The following SETD7 variants were observed in gnomAD, a reference collection of about 807,000 sequenced individuals.
The protein encoded by SETD7 is histone-lysine N-methyltransferase SETD7.
SETD7 carries 16 observed loss-of-function variants against 41.8 expected under a neutral mutation model. That is an observed-to-expected ratio of 0.38 (90% confidence interval 0.26 to 0.58). The LOEUF (loss-of-function observed/expected upper bound fraction) is 0.58. SETD7 is among the 20% of genes least tolerant of loss of function. The pLI, the probability that SETD7 is intolerant of heterozygous loss-of-function variation, is 0.64. For synonymous variants in SETD7, 163 were observed against 169.7 expected (o/e 0.96, Z 0.31); for missense variants, 346 against 459.7 (o/e 0.75, Z 2.26).
Position 139,529,240 on chromosome 4 carries a change from AC to A in SETD7, c.373-21del. On this transcript the variant is annotated intron_variant, in intron 3 of 7. Transcript: ENST00000274031. ...TCCATCCTGATGGGAGAAACCAAAA[AC>A]CAGAAAATATTATATATAGTATGTC... is the stretch of plus-strand genomic sequence containing the variant. The A allele has an allele frequency of 6.3e-7, 1 of 1,588,262 alleles. No individual in the cohort carries two copies. Among genetic ancestry groups the A allele is most frequent in the South Asian group, 1.1e-5 (1 of 88,012 alleles).
intron 2 of SETD7, among the ~76,000 whole-genome samples, chr4:139,539,149 C>T (rs2725790): frequency 0.8 from 121,380 of 152,012 alleles, 48,558 homozygotes; most frequent in Middle Eastern, 0.85. Context: ...GGTTTTGGAC[C>T]TTCCGCCTCC....
At chr4:139,547,098 C>T in intron 1 of SETD7, 49 bp from the exon 2 acceptor site, 1 of 1,604,664 alleles carries the variant, frequency 6.2e-7, no homozygotes, top group South Asian at 1.1e-5. Context: ...CAGTGCTCCT[C>T]CCATCTGACG....
chr4:139,543,534 T>G (rs1389142464), intron 2 of SETD7, among the ~76,000 whole-genome samples: 2 of 152,206 alleles, frequency 1.3e-5, no homozygotes, highest in Admixed American at 1.3e-4. Flanking sequence ...CATTTTCCCC[T>G]TAAGATATTA....
downstream of SETD7, among the ~76,000 whole-genome samples, chr4:139,505,558 C>T (rs1726680290): frequency 6.6e-6 from 1 of 151,962 alleles, no homozygotes; most frequent in African/African-American, 2.4e-5. Context: ...CACTGCACTC[C>T]AGCCTGGGTG....
At chr4:139,518,756 T>C (rs896034671) in intron 6 of SETD7, among the ~76,000 whole-genome samples, 3 of 152,066 alleles carry the variant, frequency 2.0e-5, no homozygotes, top group African/African-American at 7.2e-5. Context: ...TTGTTACAGG[T>C]GGGAAATCAC....
chr4:139,533,381 A>C lies in SETD7; in HGVS notation c.171-15T>G. On this transcript the variant is annotated splice_polypyrimidine_tract_variant and intron_variant, in intron 2 of 7. Coordinates refer to ENST00000274031, the MANE Select transcript of SETD7 (RefSeq NM_030648.4). ...CCTCCAGGGTGCTGTGAGGAAAGGA[A>C]AAACAAAAAGGAATAGTCAGACCAT... The C allele has an allele frequency of 6.2e-7, 1 of 1,607,610 alleles. No homozygotes were observed.
chr4:139,506,418 C>A lies in SETD7; in HGVS notation c.*5245G>T, dbSNP rs1456624910. On this transcript the variant is annotated 3_prime_UTR_variant, in exon 8 of 8. Coordinates refer to ENST00000274031, the MANE Select transcript of SETD7 (RefSeq NM_030648.4). ...TCTACTTCTTCAACATACCTCACAACCTAATAAATGTATTTCAGGATAAAG... is the reference window on the plus strand; with the variant it reads ...TCTACTTCTTCAACATACCTCACAAACTAATAAATGTATTTCAGGATAAAG... 2 of 152,590 alleles carry A rather than the reference C, an allele frequency of 1.3e-5. No individual in the cohort carries two copies. The highest frequency in any genetic ancestry group is 2.1e-4 in the South Asian group (1 of 4,832). 9.5% of individuals were successfully genotyped at this position (152,590 alleles called of 1,614,324 possible). A position where few individuals can be genotyped will look rare whatever the true frequency, so the allele number is the denominator to read the frequency against.
At chr4:139,538,694 C>T (rs1013317755) in intron 2 of SETD7, among the ~76,000 whole-genome samples, 2 of 150,294 alleles carry the variant, frequency 1.3e-5, no homozygotes, top group African/African-American at 5.0e-5. Flanking sequence ...TGGGATCATA[C>T]TATACATAAT....
In SETD7 at chr4:139,511,524, C is replaced by A; in HGVS notation, c.*139G>T. On this transcript the variant is annotated 3_prime_UTR_variant, in exon 8 of 8. Transcript: ENST00000274031. ...AATACAGTCAAACCTAGTTAGTATGCGAGAAAGTCGTTGCTAACGCATGGT... is the reference window on the plus strand; with the variant it reads ...AATACAGTCAAACCTAGTTAGTATGAGAGAAAGTCGTTGCTAACGCATGGT... 2 of 1,510,020 alleles carry A rather than the reference C, an allele frequency of 1.3e-6. No individual in the cohort carries two copies. The highest frequency in any genetic ancestry group is 1.8e-6 in the Non-Finnish European group (2 of 1,119,882). The allele number at this position is 1,510,020 out of a possible 1,614,324, so 93.5% of individuals were successfully genotyped here.
rs944718951 is a variant in SETD7, at chr4:139,556,126, G to A, written c.12C>T (p.Asp4=). 6.2e-7 allele frequency: 1 copy of A among 1,601,650 alleles called. No individual in the cohort carries two copies. Among genetic ancestry groups the A allele is most frequent in the African/African-American group, 1.3e-5 (1 of 74,168 alleles). The change falls in exon 1 of 8, where the codon GAC becomes GAT. Residue 4 remains aspartate (D), a synonymous_variant. Coordinates refer to ENST00000274031, the MANE Select transcript of SETD7 (RefSeq NM_030648.4). ...CCACCGCCTCCTCCACCATCTCGTC[G>A]TCGCTATCCATGGCGGCTGGGGACA... MDS[D]DEMVEEAVEG...
rs72941371 is a variant in SETD7 at position 139,539,164 on chromosome 4, G to A, written c.171-5798C>T. On this transcript the variant is annotated intron_variant, in intron 2 of 7. Coordinates refer to ENST00000274031, the MANE Select transcript of SETD7 (RefSeq NM_030648.4). ...GGTTTTGGACCTTCCGCCTCCTGGGGCCTAAATTCTGTTCCCTTCCTTCCA... is the reference window on the plus strand; with the variant it reads ...GGTTTTGGACCTTCCGCCTCCTGGGACCTAAATTCTGTTCCCTTCCTTCCA... Among the ~76,000 whole-genome samples the A allele has an allele frequency of 5.3e-3, 805 of 152,132 alleles. 10 individuals carry two copies. Among genetic ancestry groups the A allele is most frequent in the African/African-American group, 0.019 (769 of 41,490 alleles).
chr4:139,533,300 C>T lies in SETD7; in HGVS notation c.237G>A (p.Gly79=), dbSNP rs764765689. The T allele has an allele frequency of 1.9e-6, 3 of 1,614,046 alleles. No homozygotes were observed. Among genetic ancestry groups the T allele is most frequent in the East Asian group, 4.5e-5 (2 of 44,894 alleles). Residue 79 remains glycine, a synonymous_variant, in exon 3 of 8, where the codon GGG becomes GGA. Transcript: ENST00000274031. ...QGQGVYTYED[G]GVLQGTYVDG... Reference sequence around the variant, plus strand: ...CTACATACGTGCCCTGGAGAACTCCCCCATCTTCGTAAGTGTAAACTCCCT... The same window carrying T: ...CTACATACGTGCCCTGGAGAACTCCTCCATCTTCGTAAGTGTAAACTCCCT...
chr4:139,529,495 G>C (rs1186995228), intron 3 of SETD7, among the ~76,000 whole-genome samples: 1 of 152,146 alleles, frequency 6.6e-6, no homozygotes, highest in Non-Finnish European at 1.5e-5. Context: ...TGTAATCCGG[G>C]ACAAGTTACT....
At chr4:139,502,967 G>C (rs946857703), downstream of SETD7, among the ~76,000 whole-genome samples, 1 of 152,010 alleles carries the variant, frequency 6.6e-6, no homozygotes, top group Non-Finnish European at 1.5e-5. Context: ...CGGATTGCCT[G>C]AGCTCAGGAG....
At chr4:139,515,167 CAAAAAAAAA>C (rs35165608) in intron 7 of SETD7, among the ~76,000 whole-genome samples, 1 of 96,176 alleles carries the variant, frequency 1.0e-5, no homozygotes, top group Admixed American at 1.2e-4. Flanking sequence ...AACTCCACCT[CAAAAAAAAA>C]AAAAAAAAAA....
intron 1 of SETD7, chr4:139,548,106 C>T (rs1003456781): frequency 6.6e-6 from 1 of 152,050 alleles, no homozygotes; most frequent in African/African-American, 2.4e-5. Flanking sequence ...CTGGCTTTTT[C>T]TTGGGGTAAT....
At position 139,555,083 on chromosome 4, in the gene SETD7, A is replaced by G. The variant is rs1327726149; in HGVS notation, c.40+1015T>C. On this transcript the variant is annotated intron_variant, in intron 1 of 7. Transcript: ENST00000274031. The surrounding 1 kb of genome is among the most constrained non-coding windows in gnomAD (Gnocchi z 4.0). ...TGGAGTGGAACCAAATAAATACGCT[A>G]AAGAGTATTTTCCAGTATTCGCTGT... Among the ~76,000 whole-genome samples, 2 of 152,072 alleles carry G rather than the reference A, an allele frequency of 1.3e-5. No homozygotes were observed. Among genetic ancestry groups the G allele is most frequent in the Non-Finnish European group, 2.9e-5 (2 of 68,008 alleles).
chr4:139,518,347 T>C (rs1379709615), intron 6 of SETD7, among the ~76,000 whole-genome samples: 1 of 152,180 alleles, frequency 6.6e-6, no homozygotes, highest in Admixed American at 6.5e-5. Context: ...CAGGCTGGTC[T>C]CGAACTCCTG....
At chr4:139,501,761 G>A (rs1449347562), downstream of SETD7, among the ~76,000 whole-genome samples, 1 of 152,206 alleles carries the variant, frequency 6.6e-6, no homozygotes, top group African/African-American at 2.4e-5. Flanking sequence ...CCAGCTAGAT[G>A]CTTCACTCAT....
Sources: allele counts gnomAD v4.1 joint callset (sites outside exome capture counted in the v4.1 genomes callset), GRCh38; gene constraint gnomAD v4.1.1; non-coding constraint Gnocchi (gnomAD v3.1); transcripts MANE v1.5; gene names NCBI Gene and HGNC (gene_info 2026-07-23, HGNC 2026-07-21).